The following TTC17 variants were observed in gnomAD, a reference collection of about 807,000 sequenced individuals.
The protein encoded by TTC17 is tetratricopeptide repeat domain 17, also known as tetratricopeptide repeat protein 17.
TTC17 carries 58 observed loss-of-function variants against 143.8 expected under a neutral mutation model. That is an observed-to-expected ratio of 0.40 (90% CI 0.33 to 0.50). TTC17 has a LOEUF of 0.50. Among genes scored for constraint, TTC17 ranks in the 20% least tolerant of loss-of-function variants. The pLI, the probability that TTC17 is intolerant of heterozygous loss-of-function variation, is 0.49. For missense variants in TTC17, 1,273 were observed against 1,392.5 expected, an observed-to-expected ratio of 0.91 and a Z score of 1.37; for synonymous variants, 501 against 497.8, an observed-to-expected ratio of 1.01 and a Z score of -0.09.
chr11:43,490,570 G>T (rs1475249330), intron 22 of TTC17: 14 of 551,872 alleles, frequency 2.5e-5, no homozygotes, highest in Middle Eastern at 5.4e-4. Flanking sequence ...AGGTTGGAAC[G>T]TGGGGAAGGC....
intron 18 of TTC17, among the ~76,000 whole-genome samples, chr11:43,444,722 T>TAG (rs1554997504): frequency 7.0e-6 from 1 of 143,554 alleles, no homozygotes; most frequent in Non-Finnish European, 1.5e-5. Flanking sequence ...ACCAAATACA[T>TAG]ACACACACAC....
intron 16 of TTC17, among the ~76,000 whole-genome samples, chr11:43,428,743 G>T (rs1947085815): frequency 6.6e-6 from 1 of 152,202 alleles, no homozygotes; most frequent in African/African-American, 2.4e-5. Flanking sequence ...TCCCAGGACA[G>T]AATTTAACTC....
chr11:43,422,595 A>T (rs547595642), intron 16 of TTC17, among the ~76,000 whole-genome samples: 2 of 152,304 alleles, frequency 1.3e-5, no homozygotes, highest in South Asian at 4.1e-4. Context: ...GCTAGTAGAA[A>T]AACCATTGAA....
At chr11:43,431,051 T>C (rs1052415837) in intron 16 of TTC17, among the ~76,000 whole-genome samples, 1 of 152,116 alleles carries the variant, frequency 6.6e-6, no homozygotes, top group African/African-American at 2.4e-5. Flanking sequence ...TGTTAGTTTG[T>C]TGAGAATGAT....
intron 21 of TTC17, among the ~76,000 whole-genome samples, chr11:43,487,435 C>G (rs1267571176): frequency 6.6e-6 from 1 of 152,186 alleles, no homozygotes; most frequent in Non-Finnish European, 1.5e-5. Context: ...TGTGGGCCAC[C>G]ACACCTGGCC....
At chr11:43,476,404 A>T (rs1948184804) in intron 21 of TTC17, among the ~76,000 whole-genome samples, 1 of 152,230 alleles carries the variant, frequency 6.6e-6, no homozygotes, top group Non-Finnish European at 1.5e-5. Flanking sequence ...TTGCAGTGAT[A>T]ATTGTGCCTT....
intron 21 of TTC17, among the ~76,000 whole-genome samples, chr11:43,479,161 A>AC (rs757894406): frequency 6.6e-6 from 1 of 151,422 alleles, no homozygotes; most frequent in Non-Finnish European, 1.5e-5. Context: ...AATAGCTTGA[A>AC]CCCGGGAGGC....
In TTC17 at chr11:43,358,974, T is replaced by C; in HGVS notation, c.20T>C (p.Val7Ala). The C allele has an allele frequency of 6.3e-7, 1 of 1,577,982 alleles. No individual in the cohort carries two copies. The highest frequency in any genetic ancestry group is 8.6e-7 in the Non-Finnish European group (1 of 1,162,916). Residue 7 changes from valine (V) to alanine (A), a missense_variant, in exon 1 of 24, where the codon GTT becomes GCT. This residue lies in a region of TTC17 where 70 missense variants were observed against 48.5 expected (regional missense o/e 1.44). Transcript: ENST00000039989. Reference protein sequence around the residue: MAAAVGVRGRYELPPCS... With the variant: MAAAVGARGRYELPPCS... ...GGCAAGATGGCGGCGGCAGTAGGGG[T>C]TCGTGGCCGGTACGAGCTGCCGCCT... is the stretch of plus-strand genomic sequence containing the variant.
At chr11:43,373,304 A>G (rs1045987732) in intron 1 of TTC17, among the ~76,000 whole-genome samples, 9 of 152,004 alleles carry the variant, frequency 5.9e-5, no homozygotes, top group Admixed American at 2.6e-4. Flanking sequence ...TAATTTGACA[A>G]ATTGACAGTT....
chr11:43,377,261 C>A (rs960505649), intron 1 of TTC17, among the ~76,000 whole-genome samples: 1 of 152,004 alleles, frequency 6.6e-6, no homozygotes, highest in African/African-American at 2.4e-5. Context: ...CCACTGCACT[C>A]CAGCCCAGGA....
intron 1 of TTC17, among the ~76,000 whole-genome samples, chr11:43,378,075 A>G (rs895533509): frequency 8.6e-5 from 13 of 151,846 alleles, no homozygotes; most frequent in Non-Finnish European, 1.9e-4. Flanking sequence ...GCTAATTTTT[A>G]TATTTTTAAT....
chr11:43,475,642 T>A (rs1002164299), intron 21 of TTC17, among the ~76,000 whole-genome samples: 1 of 152,228 alleles, frequency 6.6e-6, no homozygotes, highest in Non-Finnish European at 1.5e-5. Flanking sequence ...CAGATATTTC[T>A]GGATTTTTGA....
At position 43,391,543 on chromosome 11, in the gene TTC17, T is replaced by C; in HGVS notation, c.498T>C (p.Leu166=). 6.2e-7 allele frequency: 1 copy of C among 1,604,486 alleles called. No homozygotes were observed. Among genetic ancestry groups the C allele is most frequent in the African/African-American group, 1.3e-5 (1 of 74,098 alleles). The change falls in exon 4 of 24, where the codon CTT becomes CTC. Residue 166 remains leucine (L), a synonymous_variant. Coordinates refer to ENST00000039989, the MANE Select transcript of TTC17 (RefSeq NM_018259.6). ...EQPDCTKILE[L]PYSIHAFQHL... ...CTGATTGTACTAAAATTCTAGAACT[T>C]CCATATAGTATACATGCTTTTCAGC...
At chr11:43,370,880 C>T (rs868663482) in intron 1 of TTC17, among the ~76,000 whole-genome samples, 4 of 152,184 alleles carry the variant, frequency 2.6e-5, no homozygotes, top group Admixed American at 2.0e-4. Flanking sequence ...GATCATGGCT[C>T]GTTGCAGCCT....
intron 2 of TTC17, 100 bp downstream of exon 2, chr11:43,379,422 G>GA: frequency 9.3e-7 from 1 of 1,070,034 alleles, no homozygotes; most frequent in Non-Finnish European, 1.4e-6. Context: ...TTTTAAGTCT[G>GA]AGTCTTCTGA....
chr11:43,363,613 C>A (rs1436966202), intron 1 of TTC17, among the ~76,000 whole-genome samples: 1 of 152,210 alleles, frequency 6.6e-6, no homozygotes, highest in African/African-American at 2.4e-5. Flanking sequence ...CACTATTTCC[C>A]TCTTCTCCAA....
intron 2 of TTC17, among the ~76,000 whole-genome samples, chr11:43,389,361 G>C (rs1857292539): frequency 6.6e-6 from 1 of 152,144 alleles, no homozygotes. Flanking sequence ...GAGCCATTTT[G>C]TGCCAGGAAA....
At position 43,407,511 on chromosome 11, in the gene TTC17, TC is replaced by T; in HGVS notation, c.1999del (p.His667IlefsTer24). On this transcript the variant is annotated frameshift_variant, in exon 15 of 24. Coordinates refer to ENST00000039989, the MANE Select transcript of TTC17 (RefSeq NM_018259.6). LOFTEE classifies it high-confidence loss of function. ...PLVNLANLLI[H>X]YGLHLDATKL... Reference sequence around the variant, plus strand: ...TTGTCAACTTGGCCAACCTTTTGATTCATTACGGCCTTCATCTTGATGCCAC... The same window carrying T: ...TTGTCAACTTGGCCAACCTTTTGATTATTACGGCCTTCATCTTGATGCCAC... 6.2e-7 allele frequency: 1 copy of T among 1,614,054 alleles called. No homozygotes were observed. Among genetic ancestry groups the T allele is most frequent in the Non-Finnish European group, 8.5e-7 (1 of 1,179,986 alleles).
At chr11:43,389,934 C>T (rs1212475597) in intron 3 of TTC17, 113 bp downstream of exon 3, 8 of 943,548 alleles carry the variant, frequency 8.5e-6, no homozygotes, top group East Asian at 2.7e-5. Flanking sequence ...GATGAGTTTT[C>T]GAATTTGAAA....
Sources: allele counts gnomAD v4.1 joint callset (sites outside exome capture counted in the v4.1 genomes callset), GRCh38; gene constraint gnomAD v4.1.1; regional missense constraint gnomAD v4.1.1; transcripts MANE v1.5; gene names NCBI Gene and HGNC (gene_info 2026-07-23, HGNC 2026-07-21).